The following TLN2 variants were observed in gnomAD, a reference collection of about 807,000 sequenced individuals.
TLN2 encodes talin 2.
In TLN2, 118 loss-of-function variants were observed where a neutral mutation model predicts 294.7. The observed-to-expected ratio is 0.40, with a 90% confidence interval of 0.34 to 0.47. TLN2 has a LOEUF of 0.47. TLN2 is among the 20% of genes least tolerant of loss of function. The probability of loss-of-function intolerance (pLI) is 0.84; values close to 1 mark genes in which losing one functional copy is unlikely to be tolerated. For missense variants in TLN2, 3,083 were observed against 3,282.2 expected (o/e 0.94, Z 1.48); for synonymous variants, 1,431 against 1,304.5 (o/e 1.10, Z -2.09).
At chr15:62,471,437 A>G (rs1202853010) in intron 1 of TLN2, among the ~76,000 whole-genome samples, 1 of 152,212 alleles carries the variant, frequency 6.6e-6, no homozygotes, top group Non-Finnish European at 1.5e-5. Context: ...TGTTTTTGAA[A>G]TAAGCTATAA....
chr15:62,510,641 G>C (rs1006028051), intron 1 of TLN2, among the ~76,000 whole-genome samples: 2 of 152,194 alleles, frequency 1.3e-5, no homozygotes, highest in African/African-American at 4.8e-5. Context: ...TTCATGCATG[G>C]TGATGTTTTG....
intron 9 of TLN2, among the ~76,000 whole-genome samples, chr15:62,666,697 G>T (rs112881310): frequency 6.6e-6 from 1 of 152,144 alleles, no homozygotes; most frequent in African/African-American, 2.4e-5. Context: ...AGCTCACTCA[G>T]TGCTTCCCTC....
intron 1 of TLN2, among the ~76,000 whole-genome samples, chr15:62,570,643 A>C (rs1339034092): frequency 6.6e-6 from 1 of 151,960 alleles, no homozygotes; most frequent in Non-Finnish European, 1.5e-5. Context: ...TAGCCTGTTG[A>C]CATTTTGGGC....
At chr15:62,579,289 A>G (rs1415755669) in intron 1 of TLN2, among the ~76,000 whole-genome samples, 2 of 152,214 alleles carry the variant, frequency 1.3e-5, no homozygotes, top group African/African-American at 2.4e-5. Flanking sequence ...CAGCCTTCAC[A>G]TGGTAAGAGA....
chr15:62,454,104 G>C (rs1021242765), intron 1 of TLN2, among the ~76,000 whole-genome samples: 1 of 152,202 alleles, frequency 6.6e-6, no homozygotes, highest in Non-Finnish European at 1.5e-5. Context: ...TGGTAGACAT[G>C]CTTTATTTTG....
At chr15:62,759,212 C>G (rs907902165) in intron 37 of TLN2, among the ~76,000 whole-genome samples, 5 of 152,154 alleles carry the variant, frequency 3.3e-5, no homozygotes, top group African/African-American at 9.7e-5. Flanking sequence ...TCTGCTGTGC[C>G]CAATGGAAGC....
intron 48 of TLN2, 106 bp from the exon 49 acceptor site, chr15:62,800,258 GTCTT>G (rs1264057457): frequency 6.7e-7 from 1 of 1,501,400 alleles, no homozygotes; most frequent in Non-Finnish European, 8.9e-7. Flanking sequence ...ACTTCAGACT[GTCTT>G]TCTCTCCTCC....
chr15:62,806,278 G>A (rs981198750), intron 51 of TLN2, among the ~76,000 whole-genome samples: 1 of 152,202 alleles, frequency 6.6e-6, no homozygotes, highest in Non-Finnish European at 1.5e-5. Flanking sequence ...GTTTGAGAGG[G>A]GATGGAGTCA....
At chr15:62,713,377 T>G (rs149057859) in intron 22 of TLN2, among the ~76,000 whole-genome samples, 1 of 152,004 alleles carries the variant, frequency 6.6e-6, no homozygotes, top group Non-Finnish European at 1.5e-5. Flanking sequence ...TGTGTGTTAC[T>G]TCACTTAAAA....
At chr15:62,637,514 C>T (rs1049864524) in intron 3 of TLN2, 2 of 152,224 alleles carry the variant, frequency 1.3e-5, no homozygotes, top group Admixed American at 6.5e-5. Context: ...GTATCTTCCA[C>T]ATACAGGCCA....
chr15:62,824,453 C>G (rs1269268074), intron 54 of TLN2, among the ~76,000 whole-genome samples: 2 of 152,182 alleles, frequency 1.3e-5, no homozygotes, highest in South Asian at 2.1e-4. Flanking sequence ...AGCAAAAATT[C>G]AAGGAGCACA....
chr15:62,666,674 C>G (rs1481006039), intron 9 of TLN2, among the ~76,000 whole-genome samples: 2 of 152,218 alleles, frequency 1.3e-5, no homozygotes, highest in South Asian at 2.1e-4. Context: ...TCTTGCCACT[C>G]TAGGCGTTTC....
intron 1 of TLN2, among the ~76,000 whole-genome samples, chr15:62,472,029 T>C (rs915643012): frequency 2.0e-5 from 3 of 152,160 alleles, no homozygotes; most frequent in Non-Finnish European, 2.9e-5. Context: ...ATATCTTACC[T>C]TGGGATAGGA....
At chr15:62,824,422 A>G (rs1294429471) in intron 54 of TLN2, among the ~76,000 whole-genome samples, 1 of 152,226 alleles carries the variant, frequency 6.6e-6, no homozygotes, top group Non-Finnish European at 1.5e-5. Context: ...TCTTCAATTT[A>G]GAAGTTCATG....
At chr15:62,759,603 C>CT (rs2062534499) in intron 37 of TLN2, among the ~76,000 whole-genome samples, 1 of 152,084 alleles carries the variant, frequency 6.6e-6, no homozygotes, top group African/African-American at 2.4e-5. Flanking sequence ...TCCCAATAGA[C>CT]TGAGAGGTTT....
chr15:62,745,708 A>G (rs2061572115), intron 32 of TLN2, among the ~76,000 whole-genome samples: 1 of 152,186 alleles, frequency 6.6e-6, no homozygotes. Context: ...TTAATCCTCT[A>G]TTCTTGCGTA....
intron 1 of TLN2, among the ~76,000 whole-genome samples, chr15:62,518,879 T>G (rs547773903): frequency 6.6e-6 from 1 of 152,258 alleles, no homozygotes; most frequent in African/African-American, 2.4e-5. Flanking sequence ...ATTATAGGAG[T>G]GAGCCATGGC....
In TLN2 at chr15:62,701,163, C is replaced by A; in HGVS notation, c.1645C>A (p.Gln549Lys). 1 of 1,614,146 alleles carries A rather than the reference C, an allele frequency of 6.2e-7. No individual in the cohort carries two copies. The highest frequency in any genetic ancestry group is 8.5e-7 in the Non-Finnish European group (1 of 1,180,030). ...CGAATCCAAACACGAAATCCATTCT[C>A]AAGTTGATGCTATCACGGCCGGAAC... ...VDESKHEIHSQVDAITAGTAS... is the reference protein window; with the variant it reads ...VDESKHEIHSKVDAITAGTAS... The change falls in exon 17 of 59, where the codon CAA becomes AAA. Residue 549 changes from glutamine to lysine, a missense_variant. By Grantham distance (53) the Gln-to-Lys change is moderately conservative. Transcript: ENST00000636159.
intron 3 of TLN2, among the ~76,000 whole-genome samples, chr15:62,625,041 A>G (rs1034356247): frequency 6.6e-6 from 1 of 152,100 alleles, no homozygotes; most frequent in Non-Finnish European, 1.5e-5. Context: ...TGCTTTCAGG[A>G]TGACTGGAGG....
Sources: gnomAD v4.1 joint callset for allele counts (sites outside exome capture counted in the v4.1 genomes callset) on GRCh38, gnomAD v4.1.1 for gene constraint, MANE v1.5 for transcripts, NCBI Gene and HGNC (gene_info 2026-07-23, HGNC 2026-07-21) for gene names.